Variants in SCFD2 observed in about 807,000 individuals in gnomAD.
SCFD2 encodes the protein sec1 family domain containing 2.
In SCFD2, 54 loss-of-function variants were observed where a neutral mutation model predicts 58.9. The ratio of observed to expected loss-of-function variants is 0.92; its 90% CI spans 0.74 to 1.15. The LOEUF is 1.15. Ranked by LOEUF, SCFD2 falls within the 50% of genes most tolerant of loss-of-function variation. The probability of loss-of-function intolerance (pLI) is 0.00; values close to 1 mark genes in which losing one functional copy is unlikely to be tolerated. For missense variants in SCFD2, 805 were observed against 836.6 expected (o/e 0.96, Z 0.47); for synonymous variants, 321 against 335.9 (o/e 0.96, Z 0.49).
rs115461813 is a variant in SCFD2 at position 52,969,010 on chromosome 4, T to C, written c.1562-48140A>G. Among the ~76,000 whole-genome samples, 1,134 of 152,320 alleles carry C rather than the reference T, an allele frequency of 7.4e-3. 18 individuals are homozygous for C. Among genetic ancestry groups the C allele is most frequent in the African/African-American group, 0.026 (1,089 of 41,576 alleles). On this transcript the variant is annotated intron_variant, in intron 5 of 8. Coordinates refer to ENST00000401642, the MANE Select transcript of SCFD2 (RefSeq NM_152540.4). ...GCTATCCTCAATATCTGATCATCCTTGACATCTGATTAGGTTTCTCACCCT... is the reference window on the plus strand; with the variant it reads ...GCTATCCTCAATATCTGATCATCCTCGACATCTGATTAGGTTTCTCACCCT...
chr4:52,936,072 G>A (rs1476444079), intron 5 of SCFD2, among the ~76,000 whole-genome samples: 1 of 152,060 alleles, frequency 6.6e-6, no homozygotes, highest in Non-Finnish European at 1.5e-5. Context: ...CCCGACCTCA[G>A]ATGATCCGCC....
chr4:53,348,474 A>G (rs1187868151), intron 2 of SCFD2, among the ~76,000 whole-genome samples: 1 of 152,174 alleles, frequency 6.6e-6, no homozygotes, highest in Non-Finnish European at 1.5e-5. Flanking sequence ...ATTTATTTCA[A>G]TTCTTCTTTT....
At chr4:53,042,091 T>C (rs1722914622) in intron 5 of SCFD2, among the ~76,000 whole-genome samples, 2 of 152,194 alleles carry the variant, frequency 1.3e-5, no homozygotes, top group Non-Finnish European at 2.9e-5. Context: ...TGTAAAATGC[T>C]TCTGCTGACT....
At chr4:53,152,072 A>T (rs1726524757) in intron 4 of SCFD2, among the ~76,000 whole-genome samples, 1 of 152,212 alleles carries the variant, frequency 6.6e-6, no homozygotes, top group African/African-American at 2.4e-5. Context: ...AACACTGGGG[A>T]TCACATTTCA....
chr4:53,061,860 A>G (rs1723522757), intron 5 of SCFD2, among the ~76,000 whole-genome samples: 1 of 152,070 alleles, frequency 6.6e-6, no homozygotes, highest in East Asian at 1.9e-4. Flanking sequence ...CCTGAAAAAG[A>G]AATGTAATAC....
At chr4:53,220,267 T>C (rs1476673184) in intron 4 of SCFD2, among the ~76,000 whole-genome samples, 1 of 152,194 alleles carries the variant, frequency 6.6e-6, no homozygotes, top group African/African-American at 2.4e-5. Context: ...AAGGAACACA[T>C]GCTATAGAAA....
intron 5 of SCFD2, among the ~76,000 whole-genome samples, chr4:53,004,739 G>C (rs1721936169): frequency 6.6e-6 from 1 of 152,124 alleles, no homozygotes. Flanking sequence ...ACTTCCTGTG[G>C]TGAATCCCCA....
At chr4:52,977,869 C>T (rs969504446) in intron 5 of SCFD2, among the ~76,000 whole-genome samples, 10 of 152,096 alleles carry the variant, frequency 6.6e-5, no homozygotes, top group African/African-American at 2.2e-4. Context: ...CCACAGACTT[C>T]GTCTACGGCA....
chr4:53,334,393 C>G (rs1033547870), intron 2 of SCFD2, among the ~76,000 whole-genome samples: 4 of 151,994 alleles, frequency 2.6e-5, no homozygotes, highest in Admixed American at 6.6e-5. Flanking sequence ...AAATGTGGCA[C>G]ATATACACCA....
chr4:53,361,036 GC>G (rs1434004381), intron 1 of SCFD2, among the ~76,000 whole-genome samples: 1 of 152,010 alleles, frequency 6.6e-6, no homozygotes, highest in Non-Finnish European at 1.5e-5. Flanking sequence ...TACCTAAAAT[GC>G]CCTCTCCCAC....
At chr4:53,251,455 C>T (rs1044376897) in intron 4 of SCFD2, among the ~76,000 whole-genome samples, 1 of 152,142 alleles carries the variant, frequency 6.6e-6, no homozygotes, top group Non-Finnish European at 1.5e-5. Flanking sequence ...GACCAATATC[C>T]TTGATGAACA....
intron 4 of SCFD2, among the ~76,000 whole-genome samples, chr4:53,270,036 G>GA (rs761507010): frequency 4.6e-5 from 7 of 151,866 alleles, no homozygotes; most frequent in East Asian, 1.9e-4. Context: ...AAAAAAGAAA[G>GA]AAAAAATCCT....
At chr4:53,253,466 A>G (rs1359332485) in intron 4 of SCFD2, among the ~76,000 whole-genome samples, 1 of 152,106 alleles carries the variant, frequency 6.6e-6, no homozygotes, top group African/African-American at 2.4e-5. Flanking sequence ...ACTATTCACA[A>G]TAGCAAAGAC....
chr4:52,891,760 T>C (rs1259558135), intron 7 of SCFD2, among the ~76,000 whole-genome samples: 1 of 152,266 alleles, frequency 6.6e-6, no homozygotes, highest in African/African-American at 2.4e-5. Flanking sequence ...TGCAAAAGGT[T>C]TCCATGCTGC....
intron 4 of SCFD2, among the ~76,000 whole-genome samples, chr4:53,225,072 A>G (rs1280598283): frequency 1.3e-5 from 2 of 152,186 alleles, no homozygotes; most frequent in Non-Finnish European, 2.9e-5. Flanking sequence ...TCATTATTAT[A>G]AATAAAAACC....
chr4:53,328,931 G>A lies in SCFD2; in HGVS notation c.1008-15168C>T, dbSNP rs1733315811. 2.0e-5 allele frequency among the ~76,000 whole-genome samples: 3 copies of A among 152,374 alleles called. No homozygotes were observed. In the South Asian group the frequency reaches 6.2e-4, roughly 32 times the overall value. The stretch of plus-strand genomic sequence containing the variant: ...AGCAGGGCGAGGCATTGCCTCACTT[G>A]GGAAGCGCAAGGGGTCAGGGAGTTC... On this transcript the variant is annotated intron_variant, in intron 2 of 8. Transcript: ENST00000401642.
chr4:53,224,219 T>C (rs892664413), intron 4 of SCFD2, among the ~76,000 whole-genome samples: 19 of 152,158 alleles, frequency 1.2e-4, no homozygotes, highest in African/African-American at 4.6e-4. Context: ...TAAAACCCCA[T>C]GTCTACTAAA....
At chr4:53,310,095 G>A (rs1207756183) in intron 3 of SCFD2, among the ~76,000 whole-genome samples, 1 of 152,168 alleles carries the variant, frequency 6.6e-6, no homozygotes, top group Admixed American at 6.5e-5. Flanking sequence ...AGTGAATGCT[G>A]CAAAGAGGTC....
chr4:52,874,811 T>C (rs887884826), intron 8 of SCFD2, among the ~76,000 whole-genome samples: 7 of 152,194 alleles, frequency 4.6e-5, no homozygotes, highest in Non-Finnish European at 8.8e-5. Flanking sequence ...AACTTGATCA[T>C]CTGCAAAGAT....
Sources: gnomAD v4.1 joint callset for allele counts (sites outside exome capture counted in the v4.1 genomes callset) on GRCh38, gnomAD v4.1.1 for gene constraint, MANE v1.5 for transcripts, NCBI Gene and HGNC (gene_info 2026-07-23, HGNC 2026-07-21) for gene names.